The following FAF1 variants were observed in gnomAD, a reference collection of about 807,000 sequenced individuals.
FAF1 encodes the protein FAS-associated factor 1.
Under a neutral mutation model 92.5 loss-of-function variants are expected in FAF1, and 25 were observed. The observed-to-expected ratio is 0.27, with a 90% CI of 0.20 to 0.38. The LOEUF (loss-of-function observed/expected upper bound fraction) is 0.38. Ranked by LOEUF, FAF1 falls within the 10% of genes least tolerant of loss-of-function variation. The probability of loss-of-function intolerance (pLI) is 1.00; values close to 1 mark genes in which losing one functional copy is unlikely to be tolerated. For missense variants in FAF1, 636 were observed against 793.3 expected (o/e 0.80, Z 2.38); for synonymous variants, 234 against 273.2 (o/e 0.86, Z 1.42).
intron 9 of FAF1, among the ~76,000 whole-genome samples, chr1:50,592,069 C>G (rs1386652129): frequency 6.6e-6 from 1 of 152,104 alleles, no homozygotes; most frequent in Non-Finnish European, 1.5e-5. Flanking sequence ...AAACAAAGTT[C>G]TTGCCTGCAA....
intron 13 of FAF1, among the ~76,000 whole-genome samples, chr1:50,542,133 G>A (rs1648787321): frequency 6.6e-6 from 1 of 152,108 alleles, no homozygotes; most frequent in African/African-American, 2.4e-5. Context: ...CTTTATGGTA[G>A]CCTTAACCAA....
chr1:50,805,779 T>C (rs1042259306), intron 2 of FAF1, among the ~76,000 whole-genome samples: 2 of 152,198 alleles, frequency 1.3e-5, no homozygotes, highest in African/African-American at 2.4e-5. Context: ...GACAGGGATG[T>C]AGAGACAGCA....
intron 7 of FAF1, among the ~76,000 whole-genome samples, chr1:50,693,308 GA>G (rs1287247646): frequency 1.3e-5 from 2 of 151,984 alleles, no homozygotes; most frequent in African/African-American, 4.8e-5. Flanking sequence ...ACCATATGTT[GA>G]ATTTTCTTGG....
At chr1:50,495,204 T>C (rs572082856) in intron 15 of FAF1, among the ~76,000 whole-genome samples, 1 of 152,150 alleles carries the variant, frequency 6.6e-6, no homozygotes, top group Non-Finnish European at 1.5e-5. Context: ...GCCAGTGTTA[T>C]TCACTCTTTC....
chr1:50,948,689 T>A (rs2124760444), intron 1 of FAF1, among the ~76,000 whole-genome samples: 1 of 152,114 alleles, frequency 6.6e-6, no homozygotes, highest in East Asian at 1.9e-4. Flanking sequence ...CACGCCACCA[T>A]ACCCAGCTGT....
intron 7 of FAF1, among the ~76,000 whole-genome samples, chr1:50,681,105 G>GGCATGATCTCA (rs1656401030): frequency 6.6e-6 from 1 of 152,094 alleles, no homozygotes; most frequent in South Asian, 2.1e-4. Flanking sequence ...GGAGTGCAGT[G>GGCATGATCTCA]GCATGATCTC....
chr1:50,499,891 A>G (rs1037302581), intron 15 of FAF1, among the ~76,000 whole-genome samples: 5 of 152,196 alleles, frequency 3.3e-5, no homozygotes, highest in African/African-American at 1.2e-4. Flanking sequence ...AATACTCAGA[A>G]CTTACAGTTT....
At chr1:50,518,443 CTTT>C (rs747169544) in intron 15 of FAF1, among the ~76,000 whole-genome samples, 1 of 140,954 alleles carries the variant, frequency 7.1e-6, no homozygotes. Context: ...AAGTTTCTTT[CTTT>C]TTTTTTTTTT....
At chr1:50,460,301 T>C (rs1333499229) in intron 18 of FAF1, among the ~76,000 whole-genome samples, 4 of 152,224 alleles carry the variant, frequency 2.6e-5, no homozygotes, top group South Asian at 2.1e-4. Context: ...CCTTTCTTTC[T>C]GTTTTCAAAA....
In FAF1 at chr1:50,781,359, A is replaced by G. The variant is rs545127300; in HGVS notation, c.367+6641T>C. 3.9e-5 allele frequency among the ~76,000 whole-genome samples: 6 copies of G among 152,350 alleles called. No individual in the cohort carries two copies. In the South Asian group the frequency reaches 1.0e-3, roughly 26 times the overall value. ...TAATAAAAAGAAAGTAGGGGGTGTCATATTTATATCAAACGAAATAGAGTT... is the reference window on the plus strand; with the variant it reads ...TAATAAAAAGAAAGTAGGGGGTGTCGTATTTATATCAAACGAAATAGAGTT... On this transcript the variant is annotated intron_variant, in intron 4 of 18. Transcript: ENST00000396153.
intron 6 of FAF1, among the ~76,000 whole-genome samples, chr1:50,727,605 T>A (rs1041624874): frequency 6.6e-6 from 1 of 152,200 alleles, no homozygotes; most frequent in African/African-American, 2.4e-5. Flanking sequence ...AATATGAATA[T>A]AAATAAATTA....
chr1:50,837,543 G>A (rs1222385270), intron 2 of FAF1, among the ~76,000 whole-genome samples: 1 of 152,008 alleles, frequency 6.6e-6, no homozygotes, highest in Admixed American at 6.6e-5. Flanking sequence ...ATTTGAATAT[G>A]GATTATATGT....
intron 1 of FAF1, among the ~76,000 whole-genome samples, chr1:50,944,857 G>GA (rs1645161647): frequency 6.6e-6 from 1 of 152,110 alleles, no homozygotes; most frequent in Non-Finnish European, 1.5e-5. Flanking sequence ...GGTCAGGGTG[G>GA]AATCCTGAAT....
At chr1:50,624,323 A>AT (rs1351730321) in intron 8 of FAF1, among the ~76,000 whole-genome samples, 2 of 151,752 alleles carry the variant, frequency 1.3e-5, no homozygotes, top group Non-Finnish European at 2.9e-5. Context: ...AATTTTTTGT[A>AT]TTTTTTAGTA....
At chr1:50,929,866 G>A (rs1031208172) in intron 1 of FAF1, among the ~76,000 whole-genome samples, 1 of 152,176 alleles carries the variant, frequency 6.6e-6, no homozygotes, top group Non-Finnish European at 1.5e-5. Flanking sequence ...TAAGTATTCT[G>A]TCTTACCAGA....
intron 18 of FAF1, among the ~76,000 whole-genome samples, chr1:50,469,887 T>G (rs970035176): frequency 1.3e-5 from 2 of 152,170 alleles, no homozygotes; most frequent in African/African-American, 4.8e-5. Context: ...TTAGGGATAC[T>G]GAAAAATTTC....
At chr1:50,849,903 T>C (rs191379686) in intron 2 of FAF1, among the ~76,000 whole-genome samples, 90 of 152,322 alleles carry the variant, frequency 5.9e-4, no homozygotes, top group Middle Eastern at 3.4e-3. Flanking sequence ...CATTTATCAA[T>C]ACAGCTCTTC....
At chr1:50,655,845 A>G (rs1360768462) in intron 7 of FAF1, among the ~76,000 whole-genome samples, 2 of 152,222 alleles carry the variant, frequency 1.3e-5, no homozygotes, top group Non-Finnish European at 2.9e-5. Context: ...AAGTACGATT[A>G]TACATTTTTA....
chr1:50,571,133 G>A (rs1650419120), intron 12 of FAF1, among the ~76,000 whole-genome samples: 1 of 152,156 alleles, frequency 6.6e-6, no homozygotes, highest in Non-Finnish European at 1.5e-5. Context: ...AAGAATGTGC[G>A]GAGGCAAACG....
Sources: gnomAD v4.1 joint callset for allele counts (sites outside exome capture counted in the v4.1 genomes callset) on GRCh38, gnomAD v4.1.1 for gene constraint, MANE v1.5 for transcripts, NCBI Gene and HGNC (gene_info 2026-07-23, HGNC 2026-07-21) for gene names.